COL11A1: variants seen among roughly 807,000 people sequenced by gnomAD.
COL11A1 encodes the protein collagen type XI alpha 1 chain, also known as collagen alpha-1(XI) chain.
Under a neutral mutation model 265.2 loss-of-function variants are expected in COL11A1, and 74 were observed. The observed-to-expected ratio is 0.28, with a 90% CI of 0.23 to 0.34. The LOEUF (loss-of-function observed/expected upper bound fraction) is 0.34, where lower values mean the gene tolerates loss of function less well. Ranked by LOEUF, COL11A1 falls within the 10% of genes least tolerant of loss-of-function variation. The pLI is 1.00. For missense variants in COL11A1, 2,165 were observed against 2,263.6 expected (o/e 0.96, Z 0.88); for synonymous variants, 816 against 727.6 (o/e 1.12, Z -1.96).
At chr1:102,979,724 C>G (rs1662855705) in intron 31 of COL11A1, 1 of 422,792 alleles carries the variant, frequency 2.4e-6, no homozygotes, top group Admixed American at 3.7e-5. Flanking sequence ...AATTATAGGA[C>G]ATTTTATAGA....
intron 1 of COL11A1, among the ~76,000 whole-genome samples, chr1:103,097,958 A>T (rs1373620440): frequency 6.6e-6 from 1 of 151,980 alleles, no homozygotes; most frequent in African/African-American, 2.4e-5. Context: ...TGAAAGTGGA[A>T]AGCAAAAATG....
intron 44 of COL11A1, 78 bp downstream of exon 44, chr1:102,938,957 C>T (rs1468321227): frequency 2.4e-6 from 3 of 1,237,636 alleles, no homozygotes; most frequent in Non-Finnish European, 2.4e-6. Context: ...GTAAGTAGCA[C>T]TATATAAAAA....
In COL11A1 at chr1:102,987,253, G is replaced by GATAT. The variant is rs36080080; in HGVS notation, c.2502+376_2502+379dup. ...ATTTAATATAGACATATACATGTAG[G>GATAT]ATATATATATATATGTATGTATATG... On this transcript the variant is annotated intron_variant, in intron 30 of 66. Coordinates refer to ENST00000370096, the MANE Select transcript of COL11A1 (RefSeq NM_001854.4). Among the ~76,000 whole-genome samples, 754 of 149,488 alleles carry GATAT rather than the reference G, an allele frequency of 5.0e-3. 13 individuals are homozygous for GATAT. The highest frequency in any genetic ancestry group is 0.049 in the East Asian group (250 of 5,066).
At position 102,967,304 on chromosome 1, in the gene COL11A1, G is replaced by C. The variant is rs553681851; in HGVS notation, c.2863-1764C>G. Among the ~76,000 whole-genome samples the C allele has an allele frequency of 6.3e-5, 8 of 126,708 alleles. No individual in the cohort carries two copies. In the South Asian group the frequency reaches 1.7e-3, roughly 28 times the overall value. 83.1% of individuals were successfully genotyped at this position (126,708 alleles called of 152,430 possible). On this transcript the variant is annotated intron_variant, in intron 37 of 66. Coordinates refer to ENST00000370096, the MANE Select transcript of COL11A1 (RefSeq NM_001854.4). The stretch of plus-strand genomic sequence containing the variant: ...CGCCCAGGCTGGAGTGCAGTGGCGC[G>C]ATCTCGGCTCACTGCAAGCTCCGCC...
At chr1:103,094,821 G>T (rs571492020) in intron 1 of COL11A1, among the ~76,000 whole-genome samples, 1 of 152,170 alleles carries the variant, frequency 6.6e-6, no homozygotes, top group East Asian at 1.9e-4. Context: ...GTAGGCATTA[G>T]TAATGAAGTC....
chr1:103,001,996 A>G (rs767446267), intron 23 of COL11A1, 27 bp from the exon 24 acceptor site: 1 of 1,579,952 alleles, frequency 6.3e-7, no homozygotes, highest in South Asian at 1.1e-5. Context: ...TATTTCATAT[A>G]TCAGATATCA....
intron 3 of COL11A1, among the ~76,000 whole-genome samples, chr1:103,077,910 T>A (rs141833953): frequency 6.6e-6 from 1 of 152,222 alleles, no homozygotes; most frequent in East Asian, 1.9e-4. Context: ...CCAGGAAAAT[T>A]AGTTTGTTAA....
chr1:103,002,141 C>CT (rs1285114012), intron 23 of COL11A1, among the ~76,000 whole-genome samples, 172 bp from the exon 24 acceptor site: 3 of 152,006 alleles, frequency 2.0e-5, no homozygotes, highest in South Asian at 2.1e-4. Context: ...ACAAGCTGCT[C>CT]TTTTTTGCAA....
chr1:103,066,207 A>T (rs111236341), intron 4 of COL11A1, among the ~76,000 whole-genome samples: 5,260 of 152,134 alleles, frequency 0.035, 327 homozygotes, highest in African/African-American at 0.12. Context: ...GAAATAAAAG[A>T]TAAACAGAAA....
chr1:102,972,366 A>G (rs1389876526), intron 36 of COL11A1, among the ~76,000 whole-genome samples: 1 of 152,154 alleles, frequency 6.6e-6, no homozygotes, highest in African/African-American at 2.4e-5. Context: ...AAATATTATA[A>G]TACTTTAAAA....
chr1:103,009,026 C>T (rs371843590), intron 14 of COL11A1, among the ~76,000 whole-genome samples: 3 of 152,066 alleles, frequency 2.0e-5, no homozygotes, highest in Non-Finnish European at 1.5e-5. Context: ...TTATAATTGC[C>T]GTGAAATAGT....
At chr1:102,982,472 C>T (rs992854227) in intron 31 of COL11A1, among the ~76,000 whole-genome samples, 1 of 151,854 alleles carries the variant, frequency 6.6e-6, no homozygotes, top group Non-Finnish European at 1.5e-5. Context: ...CAGTGAATGG[C>T]TTCTTTTACT....
Position 102,934,511 on chromosome 1 carries a change from C to T in COL11A1, c.3538G>A (p.Gly1180Arg). 2 of 1,614,088 alleles carry T rather than the reference C, an allele frequency of 1.2e-6. No individual in the cohort carries two copies. The highest frequency in any genetic ancestry group is 1.7e-6 in the Non-Finnish European group (2 of 1,180,008). ...CTGGCACCCTCATCACCTTTTTGCC[C>T]AAACATCCCCTGCTGTCCTCTAGGA... The part of the protein sequence containing the change: ...PGPRGQQGMF[G>R]QKGDEGARGF... Residue 1180 changes from glycine to arginine, a missense_variant, in exon 46 of 67, where the codon GGG becomes AGG. Coordinates refer to ENST00000370096, the MANE Select transcript of COL11A1 (RefSeq NM_001854.4).
At chr1:102,973,679 G>A (rs1009092650) in intron 36 of COL11A1, among the ~76,000 whole-genome samples, 1 of 152,064 alleles carries the variant, frequency 6.6e-6, no homozygotes, top group African/African-American at 2.4e-5. Flanking sequence ...TTATATGCAG[G>A]TAGTACCAAG....
chr1:102,938,913 TGTA>T, intron 44 of COL11A1, 119 bp downstream of exon 44: 1 of 796,514 alleles, frequency 1.3e-6, no homozygotes, highest in Non-Finnish European at 2.2e-6. Context: ...GCAGAGGTAA[TGTA>T]GTATTGGTAT....
At chr1:102,878,938 G>A (rs1649890302) in intron 66 of COL11A1, among the ~76,000 whole-genome samples, 1 of 152,048 alleles carries the variant, frequency 6.6e-6, no homozygotes, top group Non-Finnish European at 1.5e-5. Flanking sequence ...AATTTCTTCT[G>A]CTATATGTTA....
At chr1:102,978,471 T>G (rs1662715232) in intron 35 of COL11A1, among the ~76,000 whole-genome samples, 1 of 152,174 alleles carries the variant, frequency 6.6e-6, no homozygotes, top group Non-Finnish European at 1.5e-5. Flanking sequence ...AAGAGTGATA[T>G]CTTAGTCCAG....
At chr1:103,002,190 G>A (rs1665171296) in intron 23 of COL11A1, among the ~76,000 whole-genome samples, 1 of 152,080 alleles carries the variant, frequency 6.6e-6, no homozygotes, top group Non-Finnish European at 1.5e-5. Context: ...CCCTCCTGCA[G>A]GTGGCTATTA....
chr1:102,908,308 T>A (rs1345517396), intron 54 of COL11A1, among the ~76,000 whole-genome samples: 1 of 152,270 alleles, frequency 6.6e-6, no homozygotes, highest in African/African-American at 2.4e-5. Flanking sequence ...TCCTGTATGT[T>A]ACAAATATTT....
Sources: gnomAD v4.1 joint callset for allele counts (sites outside exome capture counted in the v4.1 genomes callset) on GRCh38, gnomAD v4.1.1 for gene constraint, MANE v1.5 for transcripts, NCBI Gene and HGNC (gene_info 2026-07-23, HGNC 2026-07-21) for gene names.